Variants in CERT1 observed in about 807,000 individuals in gnomAD.
CERT1 encodes the protein ceramide transporter 1, also known as ceramide transfer protein.
A neutral mutation model predicts 87.9 loss-of-function variants in CERT1; 31 were observed. The observed-to-expected ratio is 0.35, with a 90% CI of 0.27 to 0.48. The LOEUF (loss-of-function observed/expected upper bound fraction) is 0.48. Among genes scored for constraint, CERT1 ranks in the 20% least tolerant of loss-of-function variants. The pLI, the probability that CERT1 is intolerant of heterozygous loss-of-function variation, is 0.99. For synonymous variants in CERT1, 289 were observed against 250.9 expected (o/e 1.15, Z -1.44); for missense variants, 487 against 758.0 (o/e 0.64, Z 4.20).
At chr5:75,470,909 T>TA (rs1233656395) in intron 2 of CERT1, among the ~76,000 whole-genome samples, 2 of 151,786 alleles carry the variant, frequency 1.3e-5, no homozygotes, top group African/African-American at 4.8e-5. Context: ...AAAATCAACA[T>TA]AAAAAAATCA....
At chr5:75,423,228 C>A (rs186405615) in intron 5 of CERT1, among the ~76,000 whole-genome samples, 1 of 152,188 alleles carries the variant, frequency 6.6e-6, no homozygotes, top group Non-Finnish European at 1.5e-5. Flanking sequence ...TAATACTATA[C>A]GCTATTGGTA....
intron 17 of CERT1, chr5:75,368,947 G>GT (rs1760988977): frequency 6.6e-6 from 1 of 151,622 alleles, no homozygotes; most frequent in Non-Finnish European, 1.5e-5. Flanking sequence ...GAGTCTTGCT[G>GT]TATCACCCAG....
chr5:75,421,261 G>A (rs1467870793), intron 5 of CERT1, among the ~76,000 whole-genome samples: 1 of 152,098 alleles, frequency 6.6e-6, no homozygotes, highest in African/African-American at 2.4e-5. Context: ...CTTTTTTATG[G>A]ATGCAGAGCC....
intron 2 of CERT1, among the ~76,000 whole-genome samples, chr5:75,484,949 G>A (rs1239894814): frequency 6.6e-6 from 1 of 152,002 alleles, no homozygotes; most frequent in Non-Finnish European, 1.5e-5. Flanking sequence ...CACTCTCAAG[G>A]CCAGACCATA....
intron 11 of CERT1, among the ~76,000 whole-genome samples, chr5:75,396,524 C>T (rs548090674): frequency 5.3e-5 from 8 of 151,842 alleles, no homozygotes; most frequent in South Asian, 4.2e-4. Context: ...GTCAGGAGTT[C>T]GAGACCAGCC....
chr5:75,391,063 T>C (rs1762010933), intron 11 of CERT1, among the ~76,000 whole-genome samples: 1 of 152,096 alleles, frequency 6.6e-6, no homozygotes, highest in African/African-American at 2.4e-5. Context: ...TTTCCTGGGC[T>C]CAAGGGATCC....
At chr5:75,442,433 C>T (rs1047514016) in intron 3 of CERT1, among the ~76,000 whole-genome samples, 1 of 152,152 alleles carries the variant, frequency 6.6e-6, no homozygotes, top group Non-Finnish European at 1.5e-5. Flanking sequence ...GTTGCCCAGT[C>T]TGGTCTTAAA....
chr5:75,381,918 T>C (rs1208093905), intron 15 of CERT1, 31 bp downstream of exon 15: 1 of 1,587,908 alleles, frequency 6.3e-7, no homozygotes, highest in African/African-American at 1.4e-5. Flanking sequence ...TTATATTGTT[T>C]AATTATACAC....
At chr5:75,430,987 G>GCC (rs1763838966) in intron 3 of CERT1, among the ~76,000 whole-genome samples, 1 of 152,132 alleles carries the variant, frequency 6.6e-6, no homozygotes, top group East Asian at 1.9e-4. Context: ...ATAGCACTGA[G>GCC]CTAGGATTGT....
At chr5:75,429,138 G>A (rs1047768153) in intron 3 of CERT1, among the ~76,000 whole-genome samples, 1 of 149,076 alleles carries the variant, frequency 6.7e-6, no homozygotes, top group Non-Finnish European at 1.5e-5. Flanking sequence ...ATAAAATTCA[G>A]GTTATCTGGG....
Position 75,378,968 on chromosome 5 carries a change from C to T in CERT1, c.*378G>A, listed in dbSNP as rs1383526553. Reference sequence around the variant, plus strand: ...CTGAGGCAGGAGGATTGTCTGAGGCCAGGAGTTCAAGACCAGCTTGGGTAA... The same window carrying T: ...CTGAGGCAGGAGGATTGTCTGAGGCTAGGAGTTCAAGACCAGCTTGGGTAA... On this transcript the variant is annotated 3_prime_UTR_variant, in exon 17 of 17. Coordinates refer to ENST00000643780, the MANE Select transcript of CERT1 (RefSeq NM_001379029.1). The T allele has an allele frequency of 1.3e-5, 2 of 157,202 alleles. No individual in the cohort carries two copies. The highest frequency in any genetic ancestry group is 2.8e-5 in the Non-Finnish European group (2 of 71,458). The allele number at this position is 157,202 out of a possible 1,614,324, so 9.7% of individuals were successfully genotyped here. A position where few individuals can be genotyped will look rare whatever the true frequency, so the allele number is the denominator to read the frequency against.
chr5:75,391,129 T>A (rs1762014779), intron 11 of CERT1, among the ~76,000 whole-genome samples: 1 of 152,168 alleles, frequency 6.6e-6, no homozygotes, highest in African/African-American at 2.4e-5. Flanking sequence ...CACATCCAGT[T>A]AATTTTTTGT....
rs554130296 is a variant in CERT1, at chr5:75,439,964, T to C, written c.349-13486A>G. Among the ~76,000 whole-genome samples, 13 of 152,044 alleles carry C rather than the reference T, an allele frequency of 8.6e-5. No homozygotes were observed. In the South Asian group the frequency reaches 2.5e-3, roughly 29 times the overall value. On this transcript the variant is annotated intron_variant, in intron 3 of 16. Coordinates refer to ENST00000643780, the MANE Select transcript of CERT1 (RefSeq NM_001379029.1). ...CTGTAGCAAAAACCCCACAAGAACATGAGTGAGAAAATGTGCTTTTGAATC... is the reference window on the plus strand; with the variant it reads ...CTGTAGCAAAAACCCCACAAGAACACGAGTGAGAAAATGTGCTTTTGAATC...
chr5:75,409,077 A>G (rs1762827682), intron 8 of CERT1, among the ~76,000 whole-genome samples: 1 of 152,092 alleles, frequency 6.6e-6, no homozygotes. Flanking sequence ...TTTTTGTACA[A>G]TCTTCCTATA....
chr5:75,419,877 C>A (rs926037767), intron 5 of CERT1, among the ~76,000 whole-genome samples: 1 of 152,130 alleles, frequency 6.6e-6, no homozygotes, highest in Non-Finnish European at 1.5e-5. Context: ...TGCTCCCTTC[C>A]GTGGGGCCAT....
chr5:75,488,558 A>G (rs1249533581), intron 2 of CERT1, among the ~76,000 whole-genome samples: 1 of 152,144 alleles, frequency 6.6e-6, no homozygotes, highest in Non-Finnish European at 1.5e-5. Flanking sequence ...TCAAAGTTGT[A>G]CATAGCTTAT....
chr5:75,497,732 T>G (rs1767141523), intron 2 of CERT1, among the ~76,000 whole-genome samples: 1 of 152,102 alleles, frequency 6.6e-6, no homozygotes, highest in African/African-American at 2.4e-5. Context: ...AAAACTCTTT[T>G]CTTTATAAAA....
intron 3 of CERT1, among the ~76,000 whole-genome samples, chr5:75,456,681 A>G (rs920391527): frequency 6.6e-6 from 1 of 151,472 alleles, no homozygotes; most frequent in Non-Finnish European, 1.5e-5. Context: ...AAAAAAAAAA[A>G]AAAAAGAAAG....
At chr5:75,415,557 A>AT (rs1364784542) in intron 7 of CERT1, among the ~76,000 whole-genome samples, 6 of 152,218 alleles carry the variant, frequency 3.9e-5, no homozygotes, top group Non-Finnish European at 1.5e-5. Flanking sequence ...GAAGTGGTAT[A>AT]TAATGTGCAA....
Sources: gnomAD v4.1 joint callset for allele counts (sites outside exome capture counted in the v4.1 genomes callset) on GRCh38, gnomAD v4.1.1 for gene constraint, MANE v1.5 for transcripts, NCBI Gene and HGNC (gene_info 2026-07-23, HGNC 2026-07-21) for gene names.